TTBK2: variants seen among roughly 807,000 people sequenced by gnomAD.
The protein encoded by TTBK2 is tau-tubulin kinase 2.
In TTBK2, 28 loss-of-function variants were observed where a neutral mutation model predicts 110.8. The ratio of observed to expected loss-of-function variants is 0.25; its 90% CI spans 0.19 to 0.35. The LOEUF is 0.35. Ranked by LOEUF, TTBK2 falls within the 10% of genes least tolerant of loss-of-function variation. The pLI, the probability that TTBK2 is intolerant of heterozygous loss-of-function variation, is 1.00. For missense variants in TTBK2, 1,369 were observed against 1,500.3 expected, an observed-to-expected ratio of 0.91 and a Z score of 1.45; for synonymous variants, 532 against 527.3, an observed-to-expected ratio of 1.01 and a Z score of -0.12.
chr15:42,865,531 C>T (rs62020679), intron 3 of TTBK2, among the ~76,000 whole-genome samples: 19 of 139,464 alleles, frequency 1.4e-4, no homozygotes, highest in Non-Finnish European at 6.1e-5. Context: ...AAAAAAAAAC[C>T]AACAACAGGC....
chr15:42,778,239 T>A (rs79408076), intron 11 of TTBK2, among the ~76,000 whole-genome samples: 4 of 150,706 alleles, frequency 2.7e-5, no homozygotes, highest in African/African-American at 9.8e-5. Flanking sequence ...AATTAAATGA[T>A]TGATTAACTT....
chr15:42,852,803 T>G (rs1426467792), intron 3 of TTBK2, among the ~76,000 whole-genome samples: 1 of 151,970 alleles, frequency 6.6e-6, no homozygotes. Flanking sequence ...GGTGGAACAA[T>G]GAACATCAAC....
At chr15:42,879,374 T>C (rs145559092) in intron 1 of TTBK2, among the ~76,000 whole-genome samples, 1 of 152,256 alleles carries the variant, frequency 6.6e-6, no homozygotes, top group African/African-American at 2.4e-5. Context: ...AAAAAGGAGA[T>C]AAATGTTGAG....
At chr15:42,770,703 G>A (rs1003482260) in intron 13 of TTBK2, among the ~76,000 whole-genome samples, 5 of 152,166 alleles carry the variant, frequency 3.3e-5, no homozygotes, top group Non-Finnish European at 2.9e-5. Context: ...AGGACATTTG[G>A]CCAATCCCCA....
intron 3 of TTBK2, among the ~76,000 whole-genome samples, chr15:42,865,404 A>G (rs1894326255): frequency 6.6e-6 from 1 of 151,388 alleles, no homozygotes; most frequent in African/African-American, 2.4e-5. Flanking sequence ...GGTTGCAGTG[A>G]GCCGAGACTG....
chr15:42,875,905 C>CAAAA (rs57982301), intron 2 of TTBK2, among the ~76,000 whole-genome samples: 16 of 56,796 alleles, frequency 2.8e-4, no homozygotes, highest in Admixed American at 9.0e-4. Context: ...GACTCCGTCT[C>CAAAA]AAAAAAAAAA....
In TTBK2 at chr15:42,745,951, G is replaced by T; in HGVS notation, c.3579C>A (p.Ser1193Arg). 6.2e-7 allele frequency: 1 copy of T among 1,614,142 alleles called. No homozygotes were observed. ...PHLGRSKSPP[S>R]HSGSSSSRRS... Reference sequence around the variant, plus strand: ...TCCTGGAGGAGGAAGATCCTGAGTGGCTGGGAGGTGACTTGCTTCTCCCCA... The same window carrying T: ...TCCTGGAGGAGGAAGATCCTGAGTGTCTGGGAGGTGACTTGCTTCTCCCCA... The change falls in exon 15 of 15, where the codon AGC becomes AGA. Residue 1193 changes from serine to arginine, a missense_variant. By Grantham distance (110) the Ser-to-Arg change is moderately radical (BLOSUM62 -1). Coordinates refer to ENST00000267890, the MANE Select transcript of TTBK2 (RefSeq NM_173500.4).
chr15:42,774,094 G>T (rs1266202906), intron 13 of TTBK2, among the ~76,000 whole-genome samples: 1 of 152,148 alleles, frequency 6.6e-6, no homozygotes, highest in Non-Finnish European at 1.5e-5. Context: ...TGGAGCACAG[G>T]CAAATTTCTC....
intron 4 of TTBK2, among the ~76,000 whole-genome samples, chr15:42,836,281 T>C (rs1892983118): frequency 6.6e-6 from 1 of 152,160 alleles, no homozygotes; most frequent in Non-Finnish European, 1.5e-5. Flanking sequence ...TATTATGTAA[T>C]TGAATCAGCA....
intron 13 of TTBK2, among the ~76,000 whole-genome samples, chr15:42,762,723 A>G (rs977662762): frequency 3.3e-5 from 5 of 152,074 alleles, no homozygotes; most frequent in Non-Finnish European, 7.4e-5. Flanking sequence ...GTCTCAAAAA[A>G]TAAATAAATA....
intron 1 of TTBK2, among the ~76,000 whole-genome samples, chr15:42,908,003 T>C (rs1015792762): frequency 6.6e-6 from 1 of 152,070 alleles, no homozygotes. Flanking sequence ...GGAAGATTCC[T>C]TGAGCCCAAG....
At chr15:42,883,430 CAA>C (rs1429801922) in intron 1 of TTBK2, among the ~76,000 whole-genome samples, 4 of 150,060 alleles carry the variant, frequency 2.7e-5, no homozygotes, top group Non-Finnish European at 5.9e-5. Context: ...TAAAGGGACT[CAA>C]GATTGCGGTT....
chr15:42,817,171 G>A, intron 6 of TTBK2, 74 bp from the exon 7 acceptor site: 1 of 1,224,284 alleles, frequency 8.2e-7, no homozygotes, highest in Non-Finnish European at 1.1e-6. Context: ...GAACCATGAA[G>A]TAAATGGAAG....
At chr15:42,917,659 A>T (rs2031154213) in intron 1 of TTBK2, among the ~76,000 whole-genome samples, 1 of 151,780 alleles carries the variant, frequency 6.6e-6, no homozygotes. Context: ...CCACTACCAC[A>T]CATTGTTTAC....
chr15:42,772,728 C>T (rs1889730750), intron 13 of TTBK2, among the ~76,000 whole-genome samples: 1 of 152,212 alleles, frequency 6.6e-6, no homozygotes, highest in East Asian at 1.9e-4. Context: ...AGGAGAATCT[C>T]TGGACCCCAG....
chr15:42,769,426 A>G (rs1217547101), intron 13 of TTBK2, among the ~76,000 whole-genome samples: 6 of 152,140 alleles, frequency 3.9e-5, no homozygotes, highest in African/African-American at 1.4e-4. Context: ...GACAAAAACA[A>G]CCCCAACAAA....
At chr15:42,793,553 TA>T (rs202051684) in intron 10 of TTBK2, among the ~76,000 whole-genome samples, 35 of 147,298 alleles carry the variant, frequency 2.4e-4, no homozygotes, top group South Asian at 4.2e-4. Context: ...CTCCATCTCT[TA>T]AAAAAAAAAA....
chr15:42,860,634 T>A (rs1894117061), intron 3 of TTBK2, among the ~76,000 whole-genome samples: 1 of 134,682 alleles, frequency 7.4e-6, no homozygotes, highest in African/African-American at 3.3e-5. Flanking sequence ...AGCTGGGGTA[T>A]TCTTTCTTTT....
At position 42,908,606 on chromosome 15, in the gene TTBK2, G is replaced by A. The variant is rs2030557272; in HGVS notation, c.-68+11832C>T. Among the ~76,000 whole-genome samples the A allele has an allele frequency of 1.3e-5, 2 of 152,160 alleles. 1 individual carries two copies. The highest frequency in any genetic ancestry group is 4.1e-4 in the South Asian group (2 of 4,830). On this transcript the variant is annotated intron_variant, in intron 1 of 14. Transcript: ENST00000267890. ...TTTAAATTAAAAAGTGAGGACTTTTGTACACCTCTAGTAGGAATATACTTT... is the reference window on the plus strand; with the variant it reads ...TTTAAATTAAAAAGTGAGGACTTTTATACACCTCTAGTAGGAATATACTTT...
Sources: allele counts gnomAD v4.1 joint callset (sites outside exome capture counted in the v4.1 genomes callset), GRCh38; gene constraint gnomAD v4.1.1; transcripts MANE v1.5; gene names NCBI Gene and HGNC (gene_info 2026-07-23, HGNC 2026-07-21).